Variants in SPATA6 observed in about 807,000 individuals in gnomAD.
The protein encoded by SPATA6 is spermatogenesis associated 6, also known as spermatogenesis-associated protein 6.
SPATA6 carries 56 observed loss-of-function variants against 65.3 expected under a neutral mutation model. That is an observed-to-expected ratio of 0.86 (90% CI 0.69 to 1.07). The LOEUF is 1.07. SPATA6 is among the 50% of genes least tolerant of loss of function. SPATA6 has a pLI of 0.00. For missense variants in SPATA6, 590 were observed against 594.8 expected (o/e 0.99, Z 0.08); for synonymous variants, 199 against 213.2 (o/e 0.93, Z 0.58).
chr1:48,347,418 G>A (rs1646394605), intron 11 of SPATA6, among the ~76,000 whole-genome samples: 1 of 146,406 alleles, frequency 6.8e-6, no homozygotes, highest in Non-Finnish European at 1.5e-5. Flanking sequence ...TATATATAAT[G>A]CATTATATAT....
intron 3 of SPATA6, among the ~76,000 whole-genome samples, chr1:48,428,980 C>T (rs1311021937): frequency 1.3e-5 from 2 of 151,510 alleles, no homozygotes; most frequent in Non-Finnish European, 2.9e-5. Context: ...TTTGCAACTT[C>T]CAGGGGAAGG....
chr1:48,301,493 CAATAAT>C, intron 12 of SPATA6, among the ~76,000 whole-genome samples: 1 of 150,726 alleles, frequency 6.6e-6, no homozygotes. Context: ...TTCTACACAG[CAATAAT>C]AATAAAAAAA....
chr1:48,417,403 G>A (rs1366467543), intron 3 of SPATA6, among the ~76,000 whole-genome samples: 2 of 152,106 alleles, frequency 1.3e-5, no homozygotes, highest in Non-Finnish European at 2.9e-5. Context: ...ACATTATCAT[G>A]TATAATTAAA....
chr1:48,307,340 G>A lies in SPATA6; in HGVS notation c.1195-1462C>T, dbSNP rs929731779. ...TTCAAATTTTCAGACTATATTTTGT[G>A]ATATTTTATATATATATAATTATAT... is the stretch of plus-strand genomic sequence containing the variant. On this transcript the variant is annotated intron_variant, in intron 11 of 12. Transcript: ENST00000371847. Among the ~76,000 whole-genome samples the A allele has an allele frequency of 1.6e-4, 24 of 147,638 alleles. 1 individual carries two copies. The highest frequency in any genetic ancestry group is 5.2e-4 in the African/African-American group (21 of 40,650).
intron 11 of SPATA6, among the ~76,000 whole-genome samples, chr1:48,308,126 T>C (rs772461689): frequency 6.6e-6 from 1 of 152,012 alleles, no homozygotes; most frequent in African/African-American, 2.4e-5. Context: ...TGATTTACAT[T>C]TGCCATTTTG....
rs2148795046 is a variant in SPATA6 at position 48,351,347 on chromosome 1, C to T, written c.1194+4323G>A. Among the ~76,000 whole-genome samples the T allele has an allele frequency of 2.0e-5, 3 of 151,932 alleles. No homozygotes were observed. The Middle Eastern group carries it at 0.01, about 517-fold the overall frequency. On this transcript the variant is annotated intron_variant, in intron 11 of 12. Transcript: ENST00000371847. ...TTATTTTACTTGCCTTATTACATTG[C>T]CTAAGATTTTCAGTATGACGCTAAA...
the SPATA6 span, among the ~76,000 whole-genome samples, chr1:48,280,990 C>G: frequency 6.6e-6 from 1 of 152,160 alleles, no homozygotes; most frequent in African/African-American, 2.4e-5. Flanking sequence ...CCACCATGAT[C>G]AAGTGGGCTT....
downstream of SPATA6, among the ~76,000 whole-genome samples, chr1:48,293,810 C>T (rs1041363622): frequency 6.6e-6 from 1 of 152,110 alleles, no homozygotes; most frequent in African/African-American, 2.4e-5. Context: ...CCAGTCTCTC[C>T]CCAACCCCCA....
At chr1:48,386,908 G>A (rs1649531498) in intron 8 of SPATA6, among the ~76,000 whole-genome samples, 1 of 152,178 alleles carries the variant, frequency 6.6e-6, no homozygotes, top group South Asian at 2.1e-4. Flanking sequence ...CTGCCCCCAG[G>A]ACTTAGAAAC....
intron 3 of SPATA6, among the ~76,000 whole-genome samples, chr1:48,415,221 TGATGACAGTCC>T (rs1192124740): frequency 2.0e-5 from 3 of 152,120 alleles, no homozygotes; most frequent in Non-Finnish European, 4.4e-5. Context: ...ATAACAAGGG[TGATGACAGTCC>T]AAGGTTGGAC....
intron 6 of SPATA6, among the ~76,000 whole-genome samples, 180 bp from the exon 7 acceptor site, chr1:48,399,824 T>C (rs547947122): frequency 1.6e-4 from 25 of 152,088 alleles, no homozygotes; most frequent in South Asian, 8.3e-4. Flanking sequence ...TAGATAACTC[T>C]TTCTGCAGTA....
Position 48,368,623 on chromosome 1 carries a change from C to T in SPATA6, c.910-8853G>A, listed in dbSNP as rs559402455. Among the ~76,000 whole-genome samples the T allele has an allele frequency of 1.4e-4, 22 of 152,336 alleles. No homozygotes were observed. The East Asian group carries it at 4.0e-3, about 28-fold the overall frequency. On this transcript the variant is annotated intron_variant, in intron 9 of 12. Transcript: ENST00000371847. The stretch of plus-strand genomic sequence containing the variant: ...GCTTCTGCATTCTTCACGTAGTTCT[C>T]GAGCCTTGGCTTTCAGCTCCATTAG...
At chr1:48,323,749 C>A (rs1176506122) in intron 11 of SPATA6, among the ~76,000 whole-genome samples, 1 of 150,886 alleles carries the variant, frequency 6.6e-6, no homozygotes, top group Non-Finnish European at 1.5e-5. Context: ...AATTGGAAAA[C>A]CTAAAAAAAA....
chr1:48,341,681 A>C (rs1280586326), intron 11 of SPATA6, among the ~76,000 whole-genome samples: 2 of 152,206 alleles, frequency 1.3e-5, no homozygotes, highest in African/African-American at 4.8e-5. Flanking sequence ...AGAGTGCTAT[A>C]ATCTATGGTA....
rs991734124 is a variant in SPATA6 at position 48,321,057 on chromosome 1, G to A, written c.1195-15179C>T. Among the ~76,000 whole-genome samples, 8 of 152,088 alleles carry A rather than the reference G, an allele frequency of 5.3e-5. No homozygotes were observed. In the South Asian group the frequency reaches 6.2e-4, roughly 12 times the overall value. The stretch of plus-strand genomic sequence containing the variant: ...AAAGGGCAAAAAATTGAAACACACC[G>A]TCAGAGAAAATCACCTTCACTAACA... On this transcript the variant is annotated intron_variant, in intron 11 of 12. Transcript: ENST00000371847.
intron 11 of SPATA6, among the ~76,000 whole-genome samples, chr1:48,316,563 T>C (rs1447326959): frequency 6.6e-6 from 1 of 152,132 alleles, no homozygotes; most frequent in Non-Finnish European, 1.5e-5. Context: ...TTGTTAGACC[T>C]AAAACCATAA....
At chr1:48,440,436 A>G (rs1219774536) in intron 3 of SPATA6, among the ~76,000 whole-genome samples, 2 of 152,218 alleles carry the variant, frequency 1.3e-5, no homozygotes, top group African/African-American at 4.8e-5. Context: ...GTTTGGAGAT[A>G]CCTGGTATCT....
In SPATA6 at chr1:48,355,580, C is replaced by A. The variant is rs116718418; in HGVS notation, c.1194+90G>T. 9.7e-5 allele frequency: 86 copies of A among 882,080 alleles called. No individual in the cohort carries two copies. In the African/African-American group the frequency reaches 1.4e-3, roughly 15 times the overall value. 54.6% of individuals were successfully genotyped at this position (882,080 alleles called of 1,614,324 possible). A position where few individuals can be genotyped will look rare whatever the true frequency, so the allele number is the denominator to read the frequency against. Reference sequence around the variant, plus strand: ...CTTGCTTGCTTTCTTTTTTTCTTCCCGGTGACTAAATTTTGTAAGCTTTAG... The same window carrying A: ...CTTGCTTGCTTTCTTTTTTTCTTCCAGGTGACTAAATTTTGTAAGCTTTAG... On this transcript the variant is annotated intron_variant, in intron 11 of 12. Transcript: ENST00000371847.
intron 3 of SPATA6, among the ~76,000 whole-genome samples, chr1:48,442,009 T>C (rs59803545): frequency 0.025 from 3,750 of 152,240 alleles, 99 homozygotes; most frequent in African/African-American, 0.067. Context: ...GGGGAACCAA[T>C]CGAGCATGAC....
Sources: allele counts gnomAD v4.1 joint callset (sites outside exome capture counted in the v4.1 genomes callset), GRCh38; gene constraint gnomAD v4.1.1; transcripts MANE v1.5; gene names NCBI Gene and HGNC (gene_info 2026-07-23, HGNC 2026-07-21).